KCNH7: variants seen among roughly 807,000 people sequenced by gnomAD.
KCNH7 encodes potassium voltage-gated channel subfamily H member 7.
A neutral mutation model predicts 120.8 loss-of-function variants in KCNH7; 49 were observed. The observed-to-expected ratio is 0.41, with a 90% confidence interval of 0.32 to 0.51. The LOEUF is 0.51. Ranked by LOEUF, KCNH7 falls within the 20% of genes least tolerant of loss-of-function variation. The pLI is 0.38. For synonymous variants in KCNH7, 547 were observed against 516.1 expected (o/e 1.06, Z -0.81); for missense variants, 1,097 against 1,446.6 (o/e 0.76, Z 3.92).
intron 2 of KCNH7, among the ~76,000 whole-genome samples, chr2:162,568,977 G>A (rs1210142626): frequency 6.6e-6 from 1 of 152,022 alleles, no homozygotes; most frequent in East Asian, 1.9e-4. Context: ...TTGGGATATT[G>A]GTCTAAAATT....
chr2:162,720,499 T>C (rs1687290990), intron 2 of KCNH7, among the ~76,000 whole-genome samples: 3 of 152,016 alleles, frequency 2.0e-5, no homozygotes, highest in South Asian at 4.1e-4. Context: ...AATCTACATA[T>C]GTATATCCAT....
intron 8 of KCNH7, among the ~76,000 whole-genome samples, chr2:162,431,607 T>C (rs1052624573): frequency 2.0e-5 from 3 of 151,996 alleles, no homozygotes; most frequent in African/African-American, 7.2e-5. Context: ...CATAAAGCTT[T>C]ACATAATCCC....
chr2:162,602,136 A>G (rs1694578876), intron 2 of KCNH7, among the ~76,000 whole-genome samples: 1 of 152,068 alleles, frequency 6.6e-6, no homozygotes, highest in Non-Finnish European at 1.5e-5. Flanking sequence ...TTTACTACAT[A>G]CTTTCAAATG....
intron 2 of KCNH7, among the ~76,000 whole-genome samples, chr2:162,666,667 A>G (rs1465295013): frequency 6.6e-6 from 1 of 152,072 alleles, no homozygotes; most frequent in East Asian, 1.9e-4. Context: ...CTCCTTAAAA[A>G]ACAACTCCTT....
intron 2 of KCNH7, among the ~76,000 whole-genome samples, chr2:162,743,422 A>G (rs2105414807): frequency 6.6e-6 from 1 of 152,286 alleles, no homozygotes; most frequent in African/African-American, 2.4e-5. Flanking sequence ...AAAGTGACAA[A>G]CCAGAGGCTA....
chr2:162,825,597 T>G (rs1372215439), intron 2 of KCNH7, among the ~76,000 whole-genome samples: 3 of 152,078 alleles, frequency 2.0e-5, no homozygotes, highest in Admixed American at 1.3e-4. Context: ...AGGAAAAAAG[T>G]ACAGGTGGTC....
chr2:162,425,856 A>G (rs1687843526), intron 8 of KCNH7, among the ~76,000 whole-genome samples: 2 of 152,158 alleles, frequency 1.3e-5, no homozygotes, highest in Admixed American at 1.3e-4. Context: ...ATAAACAAGC[A>G]TTTCCCACTT....
intron 2 of KCNH7, among the ~76,000 whole-genome samples, chr2:162,812,700 T>C (rs1394203951): frequency 1.3e-5 from 2 of 152,084 alleles, no homozygotes; most frequent in East Asian, 3.9e-4. Flanking sequence ...GAAACAGTTC[T>C]ACAGGTAAGG....
At chr2:162,534,139 C>T (rs1692027917) in intron 3 of KCNH7, among the ~76,000 whole-genome samples, 2 of 151,328 alleles carry the variant, frequency 1.3e-5, no homozygotes, top group Admixed American at 1.3e-4. Context: ...TTTCTAAATT[C>T]ATGGGGTATA....
intron 2 of KCNH7, among the ~76,000 whole-genome samples, chr2:162,753,028 G>GAAAAGAAAAAA (rs1292002226): frequency 7.5e-6 from 1 of 133,474 alleles, no homozygotes; most frequent in Non-Finnish European, 1.6e-5. Flanking sequence ...GAAAAGAAAA[G>GAAAAGAAAAAA]AAACCCTGAC....
intron 2 of KCNH7, among the ~76,000 whole-genome samples, chr2:162,820,785 A>G (rs1008995546): frequency 3.9e-5 from 6 of 152,198 alleles, no homozygotes; most frequent in Admixed American, 1.3e-4. Context: ...TCCTCTGAGA[A>G]ATAATTTCTT....
At chr2:162,570,917 T>C (rs1259539660) in intron 2 of KCNH7, among the ~76,000 whole-genome samples, 2 of 152,130 alleles carry the variant, frequency 1.3e-5, no homozygotes, top group African/African-American at 4.8e-5. Context: ...GAGGTATCTA[T>C]GACAAACCCA....
chr2:162,532,635 C>CCA (rs1359130480), intron 3 of KCNH7, among the ~76,000 whole-genome samples: 1 of 151,816 alleles, frequency 6.6e-6, no homozygotes, highest in African/African-American at 2.4e-5. Context: ...AATATTTTAC[C>CCA]CACACACGTT....
At chr2:162,625,435 T>C (rs759847546) in intron 2 of KCNH7, among the ~76,000 whole-genome samples, 2 of 152,170 alleles carry the variant, frequency 1.3e-5, no homozygotes, top group South Asian at 2.1e-4. Flanking sequence ...CCTGTTATTA[T>C]TTTCTTACTT....
At chr2:162,453,910 G>A (rs796807061) in intron 6 of KCNH7, among the ~76,000 whole-genome samples, 1 of 152,102 alleles carries the variant, frequency 6.6e-6, no homozygotes, top group Non-Finnish European at 1.5e-5. Context: ...TAGGCTGCCT[G>A]TTCAGCCTGA....
At chr2:162,690,549 C>T (rs769229539) in intron 2 of KCNH7, among the ~76,000 whole-genome samples, 100 of 152,022 alleles carry the variant, frequency 6.6e-4, no homozygotes, top group Non-Finnish European at 1.4e-3. Flanking sequence ...ATAAACATCT[C>T]AATATGCCTT....
intron 15 of KCNH7, among the ~76,000 whole-genome samples, chr2:162,372,674 C>T (rs930905460): frequency 2.6e-5 from 4 of 152,048 alleles, no homozygotes; most frequent in Non-Finnish European, 2.9e-5. Context: ...TTTTCCAGAA[C>T]GTCTTAAATT....
rs375857105 is a variant in KCNH7, at chr2:162,421,859, T to A, written c.2154+1477A>T. 5.3e-5 allele frequency among the ~76,000 whole-genome samples: 8 copies of A among 152,246 alleles called. 1 individual carries two copies. The East Asian group carries it at 1.5e-3, about 29-fold the overall frequency. The stretch of plus-strand genomic sequence containing the variant: ...AATTGTTTTGCTACTGTTTTTGAAA[T>A]AATCTGGCAGTATGGAACAACAAAA... On this transcript the variant is annotated intron_variant, in intron 9 of 15. Coordinates refer to ENST00000332142, the MANE Select transcript of KCNH7 (RefSeq NM_033272.4).
At chr2:162,592,775 T>C (rs1694252884) in intron 2 of KCNH7, among the ~76,000 whole-genome samples, 1 of 152,096 alleles carries the variant, frequency 6.6e-6, no homozygotes, top group South Asian at 2.1e-4. Context: ...CTGGCGAAGA[T>C]TGGCCTTATC....
Sources: allele counts gnomAD v4.1 joint callset (sites outside exome capture counted in the v4.1 genomes callset), GRCh38; gene constraint gnomAD v4.1.1; transcripts MANE v1.5; gene names NCBI Gene and HGNC (gene_info 2026-07-23, HGNC 2026-07-21).